NELL1: variants seen among roughly 807,000 people sequenced by gnomAD.
NELL1 encodes the protein neural EGFL like 1, also known as protein kinase C-binding protein NELL1.
In NELL1, 76 loss-of-function variants were observed where a neutral mutation model predicts 107.4. The observed-to-expected ratio is 0.71, with a 90% CI of 0.59 to 0.86. NELL1 has a LOEUF of 0.86. Among genes scored for constraint, NELL1 ranks in the 40% least tolerant of loss-of-function variants. The pLI is 0.00. For missense variants in NELL1, 1,024 were observed against 1,005.5 expected, an observed-to-expected ratio of 1.02 and a Z score of -0.25; for synonymous variants, 353 against 341.2, an observed-to-expected ratio of 1.03 and a Z score of -0.38.
At chr11:21,310,858 G>T (rs1200780907) in intron 14 of NELL1, among the ~76,000 whole-genome samples, 6 of 152,098 alleles carry the variant, frequency 3.9e-5, no homozygotes, top group African/African-American at 7.2e-5. Flanking sequence ...GCAGAGACCT[G>T]AGTGCATGTT....
intron 16 of NELL1, among the ~76,000 whole-genome samples, chr11:21,549,185 C>A (rs1019249761): frequency 4.6e-5 from 7 of 151,774 alleles, no homozygotes; most frequent in Non-Finnish European, 1.0e-4. Context: ...AAGTGACTCT[C>A]AGTTTGGTTA....
At chr11:21,044,920 C>T (rs1853320337) in intron 12 of NELL1, among the ~76,000 whole-genome samples, 1 of 152,056 alleles carries the variant, frequency 6.6e-6, no homozygotes, top group South Asian at 2.1e-4. Flanking sequence ...GTCCCTCTGA[C>T]ACTCTACACA....
At chr11:21,231,097 G>A (rs192274465) in intron 14 of NELL1, among the ~76,000 whole-genome samples, 355 of 152,022 alleles carry the variant, frequency 2.3e-3, no homozygotes, top group African/African-American at 7.4e-3. Context: ...GTACACGCAC[G>A]CACACACAAA....
At chr11:21,241,891 G>A (rs1420929082) in intron 14 of NELL1, among the ~76,000 whole-genome samples, 5 of 141,132 alleles carry the variant, frequency 3.5e-5, no homozygotes, top group South Asian at 2.3e-4. Flanking sequence ...GACTGAATTC[G>A]ATGTCTGTTT....
chr11:21,263,524 A>G (rs1466451018), intron 14 of NELL1, among the ~76,000 whole-genome samples: 1 of 152,002 alleles, frequency 6.6e-6, no homozygotes, highest in Non-Finnish European at 1.5e-5. Context: ...CCCGGTATTC[A>G]ATATGGAATC....
intron 2 of NELL1, among the ~76,000 whole-genome samples, chr11:20,691,934 A>C (rs1452585470): frequency 6.6e-6 from 1 of 152,044 alleles, no homozygotes. Context: ...TTGGTTGGTA[A>C]GGTATTGATT....
chr11:21,297,514 GA>G (rs1221659277), intron 14 of NELL1, among the ~76,000 whole-genome samples: 4 of 152,132 alleles, frequency 2.6e-5, no homozygotes, highest in Non-Finnish European at 1.5e-5. Flanking sequence ...GGTTGTGATA[GA>G]ATTAAGTTAT....
At position 21,391,969 on chromosome 11, in the gene NELL1, T is replaced by G. The variant is rs573149050; in HGVS notation, c.1645+21021T>G. Among the ~76,000 whole-genome samples the G allele has an allele frequency of 8.6e-5, 13 of 151,958 alleles. No individual in the cohort carries two copies. The East Asian group carries it at 2.3e-3, about 27-fold the overall frequency. Reference sequence around the variant, plus strand: ...TTCAGATCTTGTAGGGAAGAGTCTTTCTGTTTCCTAGAAATCAATCCTATA... The same window carrying G: ...TTCAGATCTTGTAGGGAAGAGTCTTGCTGTTTCCTAGAAATCAATCCTATA... On this transcript the variant is annotated intron_variant, in intron 15 of 19. Transcript: ENST00000357134.
intron 18 of NELL1, among the ~76,000 whole-genome samples, chr11:21,571,393 A>G (rs1857097715): frequency 6.6e-6 from 1 of 151,842 alleles, no homozygotes; most frequent in Non-Finnish European, 1.5e-5. Flanking sequence ...CCCACATACT[A>G]GCTTAAAATG....
chr11:21,025,757 A>G (rs1852800613), intron 12 of NELL1, among the ~76,000 whole-genome samples: 1 of 152,074 alleles, frequency 6.6e-6, no homozygotes, highest in Non-Finnish European at 1.5e-5. Context: ...TATTTTACTG[A>G]TTGCTTTATA....
At chr11:20,709,904 C>G (rs1302860867) in intron 2 of NELL1, among the ~76,000 whole-genome samples, 1 of 152,108 alleles carries the variant, frequency 6.6e-6, no homozygotes, top group East Asian at 1.9e-4. Context: ...GATTTTGTAT[C>G]CTGAATCTTT....
At chr11:21,207,453 T>G (rs2133855964) in intron 13 of NELL1, among the ~76,000 whole-genome samples, 1 of 152,300 alleles carries the variant, frequency 6.6e-6, no homozygotes, top group South Asian at 2.1e-4. Context: ...TAATAAAATC[T>G]TCCTGGAAGT....
At chr11:20,682,011 C>A (rs1444439632) in intron 2 of NELL1, among the ~76,000 whole-genome samples, 1 of 152,060 alleles carries the variant, frequency 6.6e-6, no homozygotes, top group Non-Finnish European at 1.5e-5. Flanking sequence ...ATTCTCATCT[C>A]AAGATTCATA....
At chr11:21,470,744 C>T (rs73469110) in intron 15 of NELL1, among the ~76,000 whole-genome samples, 3,843 of 152,184 alleles carry the variant, frequency 0.025, 174 homozygotes, top group African/African-American at 0.085. Context: ...AACCTCAGGA[C>T]ATATTTGCTG....
In NELL1 at chr11:20,828,184, A is replaced by C. The variant is rs567594529; in HGVS notation, c.336-19399A>C. ...AAACTAGGTATAATCATATCTGCCCAATGGGCATACTTTAAGGATTTAAGA... is the reference window on the plus strand; with the variant it reads ...AAACTAGGTATAATCATATCTGCCCCATGGGCATACTTTAAGGATTTAAGA... On this transcript the variant is annotated intron_variant, in intron 3 of 19. Coordinates refer to ENST00000357134, the MANE Select transcript of NELL1 (RefSeq NM_006157.5). 4.2e-3 allele frequency among the ~76,000 whole-genome samples: 634 copies of C among 151,536 alleles called. 52 individuals are homozygous for C. The highest frequency in any genetic ancestry group is 0.012 in the Admixed American group (179 of 15,068).
chr11:21,159,331 A>G (rs1029645833), intron 13 of NELL1, among the ~76,000 whole-genome samples: 2 of 152,316 alleles, frequency 1.3e-5, no homozygotes, highest in African/African-American at 2.4e-5. Context: ...CCTGATCATG[A>G]TAAATTTAAG....
Position 21,181,470 on chromosome 11 carries a change from A to G in NELL1, c.1427-47862A>G, listed in dbSNP as rs377408157. Among the ~76,000 whole-genome samples, 98 of 152,034 alleles carry G rather than the reference A, an allele frequency of 6.4e-4. 2 individuals are homozygous for G. In the South Asian group the frequency reaches 0.02, roughly 32 times the overall value. ...GGCTTTAAAGAGTTAGTAATTTGCC[A>G]CAGTCTCAGAGGTGGGGCATGGCAG... On this transcript the variant is annotated intron_variant, in intron 13 of 19. Transcript: ENST00000357134.
At chr11:21,456,653 G>C (rs533414702) in intron 15 of NELL1, among the ~76,000 whole-genome samples, 2 of 151,926 alleles carry the variant, frequency 1.3e-5, no homozygotes, top group Non-Finnish European at 2.9e-5. Context: ...TATTTATTGA[G>C]AATCTATTAT....
intron 2 of NELL1, among the ~76,000 whole-genome samples, chr11:20,680,170 A>C (rs1854155214): frequency 6.6e-6 from 1 of 152,134 alleles, no homozygotes; most frequent in Non-Finnish European, 1.5e-5. Flanking sequence ...TAACTTAATC[A>C]CATCTGCAAA....
Sources: gnomAD v4.1 joint callset for allele counts (sites outside exome capture counted in the v4.1 genomes callset) on GRCh38, gnomAD v4.1.1 for gene constraint, MANE v1.5 for transcripts, NCBI Gene and HGNC (gene_info 2026-07-23, HGNC 2026-07-21) for gene names.